Variants in DEPDC1 observed in about 807,000 individuals in gnomAD.
DEPDC1 encodes DEP domain-containing protein 1A.
A neutral mutation model predicts 86.8 loss-of-function variants in DEPDC1; 66 were observed. The observed-to-expected ratio is 0.76, with a 90% CI of 0.62 to 0.93. The LOEUF (loss-of-function observed/expected upper bound fraction) is 0.93. Ranked by LOEUF, DEPDC1 falls within the 40% of genes least tolerant of loss-of-function variation. The pLI is 0.00. For missense variants in DEPDC1, 792 were observed against 935.7 expected, an observed-to-expected ratio of 0.85 and a Z score of 2.00; for synonymous variants, 255 against 314.9, an observed-to-expected ratio of 0.81 and a Z score of 2.02.
At chr1:68,478,178 AC>A (rs1243210269) in intron 10 of DEPDC1, among the ~76,000 whole-genome samples, 1 of 152,020 alleles carries the variant, frequency 6.6e-6, no homozygotes, top group Non-Finnish European at 1.5e-5. Flanking sequence ...GTAGCATTCA[AC>A]AATGTATTTA....
At chr1:68,480,951 C>T (rs1646151115) in intron 9 of DEPDC1, among the ~76,000 whole-genome samples, 1 of 152,000 alleles carries the variant, frequency 6.6e-6, no homozygotes, top group Admixed American at 6.6e-5. Context: ...CTCATTTTCA[C>T]AAGGAGCCTA....
chr1:68,496,715 CT>C lies in DEPDC1; in HGVS notation c.48+236del, dbSNP rs1646268147. 6.7e-6 allele frequency: 3 copies of C among 445,700 alleles called. No homozygotes were observed. The highest frequency in any genetic ancestry group is 6.1e-5 in the African/African-American group (3 of 48,818). The allele number at this position is 445,700 out of a possible 1,614,324, so 27.6% of individuals were successfully genotyped here. On this transcript the variant is annotated intron_variant, in intron 1 of 11. Transcript: ENST00000456315. The surrounding 1 kb of genome is among the most constrained non-coding windows in gnomAD (Gnocchi z 4.0). ...CTCCTCATAGCGAGTCTGGTGCGGC[CT>C]ACGCGCGGCGCTTCCTTTCGGACCT...
At chr1:68,489,761 T>A (rs1646217179) in intron 2 of DEPDC1, among the ~76,000 whole-genome samples, 153 bp from the exon 3 acceptor site, 1 of 151,570 alleles carries the variant, frequency 6.6e-6, no homozygotes, top group Non-Finnish European at 1.5e-5. Context: ...ATTAAACCTT[T>A]AAAAAAAATA....
Position 68,476,036 on chromosome 1 carries a change from T to A in DEPDC1, c.*896A>T, listed in dbSNP as rs1300026660. On this transcript the variant is annotated 3_prime_UTR_variant, in exon 12 of 12. Transcript: ENST00000456315. ...ACTAGCTTAGAGACCTGTTCCATCATCATAGAAGTCACTCTTTAGCTGAAT... is the reference window on the plus strand; with the variant it reads ...ACTAGCTTAGAGACCTGTTCCATCAACATAGAAGTCACTCTTTAGCTGAAT... 1.3e-5 allele frequency: 2 copies of A among 151,852 alleles called. No individual in the cohort carries two copies. The highest frequency in any genetic ancestry group is 1.3e-4 in the Admixed American group (2 of 15,230). The allele number at this position is 151,852 out of a possible 1,614,324, so 9.4% of individuals were successfully genotyped here. A position where few individuals can be genotyped will look rare whatever the true frequency, so the allele number is the denominator to read the frequency against.
chr1:68,481,676 A>G, intron 8 of DEPDC1, 64 bp from the exon 9 acceptor site: 1 of 1,223,920 alleles, frequency 8.2e-7, no homozygotes, highest in East Asian at 2.6e-5. Context: ...TACTACCAGT[A>G]TATACAGCTA....
intron 5 of DEPDC1, 36 bp downstream of exon 5, chr1:68,488,338 A>G (rs780546228): frequency 6.5e-7 from 1 of 1,545,676 alleles, no homozygotes; most frequent in African/African-American, 1.4e-5. Context: ...CTTGTTGGCA[A>G]GTTTTTAAAA....
At position 68,496,627 on chromosome 1, in the gene DEPDC1, G is replaced by A. The variant is rs1471094747; in HGVS notation, c.48+325C>T. 3 of 295,848 alleles carry A rather than the reference G, an allele frequency of 1.0e-5. No individual in the cohort carries two copies. Among genetic ancestry groups the A allele is most frequent in the East Asian group, 5.6e-5 (1 of 17,772 alleles). The allele number at this position is 295,848 out of a possible 1,614,324, so 18.3% of individuals were successfully genotyped here. On this transcript the variant is annotated intron_variant, in intron 1 of 11. Transcript: ENST00000456315. The surrounding 1 kb of genome is among the most constrained non-coding windows in gnomAD (Gnocchi z 4.0). ...GGGTAGAAAATCAGGCGAGGTGAGCGGCCAAATCGGAATATTCTAAGACGC... is the reference window on the plus strand; with the variant it reads ...GGGTAGAAAATCAGGCGAGGTGAGCAGCCAAATCGGAATATTCTAAGACGC...
intron 6 of DEPDC1, among the ~76,000 whole-genome samples, chr1:68,484,537 T>G (rs1395927574): frequency 6.6e-6 from 1 of 152,000 alleles, no homozygotes; most frequent in Non-Finnish European, 1.5e-5. Flanking sequence ...TGTTGTTTCT[T>G]AAGCTTGACA....
chr1:68,481,762 G>C (rs1408733546), intron 8 of DEPDC1, 150 bp from the exon 9 acceptor site: 2 of 680,532 alleles, frequency 2.9e-6, no homozygotes, highest in East Asian at 5.8e-5. Context: ...CTAAAGCATG[G>C]TAAGATTCTC....
At chr1:68,493,999 C>G (rs1248658236) in intron 2 of DEPDC1, among the ~76,000 whole-genome samples, 1 of 152,122 alleles carries the variant, frequency 6.6e-6, no homozygotes, top group Non-Finnish European at 1.5e-5. Flanking sequence ...TTTACCTGGT[C>G]CTGTTATTTG....
chr1:68,491,970 T>G (rs894162876), intron 2 of DEPDC1, among the ~76,000 whole-genome samples: 2 of 150,794 alleles, frequency 1.3e-5, no homozygotes, highest in African/African-American at 4.9e-5. Context: ...TTATCCAGAC[T>G]GGTCTCGAAC....
rs1646129589 is a variant in DEPDC1 at position 68,478,037 on chromosome 1, T to G, written c.2113-65A>C. On this transcript the variant is annotated intron_variant, in intron 10 of 11. Transcript: ENST00000456315. ...CATGTTCTTATATGATAAAGTATTC[T>G]TTTGATGGGATCTAGCACCTATTAA... is the stretch of plus-strand genomic sequence containing the variant. 2.5e-6 allele frequency: 3 copies of G among 1,216,758 alleles called. No individual in the cohort carries two copies. The African/African-American group carries it at 4.6e-5, about 19-fold the overall frequency. 75.4% of individuals were successfully genotyped at this position (1,216,758 alleles called of 1,614,324 possible). A position where few individuals can be genotyped will look rare whatever the true frequency, so the allele number is the denominator to read the frequency against.
At chr1:68,480,784 G>A (rs777875723) in intron 9 of DEPDC1, among the ~76,000 whole-genome samples, 5 of 151,680 alleles carry the variant, frequency 3.3e-5, no homozygotes, top group Non-Finnish European at 5.9e-5. Context: ...AATAACGCGT[G>A]GAAGAAAGCA....
rs1255624877 is a variant in DEPDC1 at position 68,497,002 on chromosome 1, G to A, written c.-3C>T. ...GGAGGCACACCCTGACTCTCCATAG[G>A]TCTGTCAGCGCCCGGTGGCGTCCAT... On this transcript the variant is annotated 5_prime_UTR_variant, in exon 1 of 12. Transcript: ENST00000456315. 6 of 1,612,262 alleles carry A rather than the reference G, an allele frequency of 3.7e-6. No individual in the cohort carries two copies. The highest frequency in any genetic ancestry group is 3.3e-4 in the Middle Eastern group (2 of 6,060).
chr1:68,480,559 A>G (rs1017255170), intron 9 of DEPDC1, among the ~76,000 whole-genome samples: 2 of 151,894 alleles, frequency 1.3e-5, no homozygotes, highest in Non-Finnish European at 2.9e-5. Flanking sequence ...CACCTGGCTC[A>G]TATTTCCAAC....
At position 68,475,133 on chromosome 1, in the gene DEPDC1, T is replaced by C. The variant is rs992489623; in HGVS notation, c.*1799A>G. ...TAACAAAACTGGGGCTTAGAGAAGT[T>C]AAGTAACTTGTCTGAGTTTACTAGC... On this transcript the variant is annotated 3_prime_UTR_variant, in exon 12 of 12. Transcript: ENST00000456315. The C allele has an allele frequency of 1.3e-5, 2 of 152,026 alleles. No individual in the cohort carries two copies. The highest frequency in any genetic ancestry group is 2.4e-5 in the African/African-American group (1 of 41,446). The allele number at this position is 152,026 out of a possible 1,614,324, so 9.4% of individuals were successfully genotyped here.
intron 3 of DEPDC1, 33 bp from the exon 4 acceptor site, chr1:68,489,067 A>G (rs1206909194): frequency 7.3e-7 from 1 of 1,364,030 alleles, no homozygotes; most frequent in Non-Finnish European, 1.0e-6. Flanking sequence ...TTAATCTGTT[A>G]TGCTCAAATT....
At position 68,493,183 on chromosome 1, in the gene DEPDC1, T is replaced by C. The variant is rs1026209972; in HGVS notation, c.314+1247A>G. On this transcript the variant is annotated intron_variant, in intron 2 of 11. Coordinates refer to ENST00000456315, the MANE Select transcript of DEPDC1 (RefSeq NM_001114120.3). Reference sequence around the variant, plus strand: ...GGGAGTAGTTAAGAGAGGGAAGATTTGTAGAGTGCTATACAAAATGGATTA... The same window carrying C: ...GGGAGTAGTTAAGAGAGGGAAGATTCGTAGAGTGCTATACAAAATGGATTA... Among the ~76,000 whole-genome samples the C allele has an allele frequency of 2.0e-5, 3 of 152,296 alleles. No individual in the cohort carries two copies. In the South Asian group the frequency reaches 6.2e-4, roughly 32 times the overall value.
chr1:68,488,244 A>G, intron 5 of DEPDC1, 130 bp downstream of exon 5: 2 of 740,890 alleles, frequency 2.7e-6, no homozygotes, highest in Non-Finnish European at 4.0e-6. Flanking sequence ...ATTACTAAAG[A>G]ACTTATGATA....
Sources: gnomAD v4.1 joint callset for allele counts (sites outside exome capture counted in the v4.1 genomes callset) on GRCh38, gnomAD v4.1.1 for gene constraint, Gnocchi (gnomAD v3.1) non-coding constraint, MANE v1.5 for transcripts, NCBI Gene and HGNC (gene_info 2026-07-23, HGNC 2026-07-21) for gene names.